Variants in PRKAR2B observed in about 807,000 individuals in gnomAD.
PRKAR2B encodes the protein protein kinase cAMP-dependent type II regulatory subunit beta, also known as cAMP-dependent protein kinase type II-beta regulatory subunit.
A neutral mutation model predicts 49.9 loss-of-function variants in PRKAR2B; 14 were observed. The observed-to-expected ratio is 0.28, with a 90% CI of 0.19 to 0.44. PRKAR2B has a LOEUF of 0.44. Among genes scored for constraint, PRKAR2B ranks in the 20% least tolerant of loss-of-function variants. The pLI, the probability that PRKAR2B is intolerant of heterozygous loss-of-function variation, is 1.00. For synonymous variants in PRKAR2B, 196 were observed against 197.7 expected, an observed-to-expected ratio of 0.99 and a Z score of 0.07; for missense variants, 393 against 537.9, an observed-to-expected ratio of 0.73 and a Z score of 2.67.
intron 5 of PRKAR2B, among the ~76,000 whole-genome samples, chr7:107,145,162 A>T (rs1028292352): frequency 2.6e-5 from 4 of 152,224 alleles, no homozygotes; most frequent in African/African-American, 9.6e-5. Context: ...AGGGCCAGAG[A>T]GTAAATATTT....
chr7:107,077,546 A>T (rs1325307870), intron 2 of PRKAR2B, among the ~76,000 whole-genome samples: 3 of 152,224 alleles, frequency 2.0e-5, no homozygotes, highest in Non-Finnish European at 4.4e-5. Context: ...TAAAAAGTCC[A>T]TTTTCACCAT....
chr7:107,121,810 T>C, intron 2 of PRKAR2B, 142 bp from the exon 3 acceptor site: 1 of 418,606 alleles, frequency 2.4e-6, no homozygotes. Flanking sequence ...TTTTGGGGGG[T>C]AGACTGCTTC....
At chr7:107,068,726 C>T (rs371724416) in intron 1 of PRKAR2B, 6 of 152,016 alleles carry the variant, frequency 3.9e-5, no homozygotes, top group African/African-American at 1.4e-4. Context: ...TAATGAAGAT[C>T]ATGAAGGAAG....
chr7:107,110,548 T>G (rs1488707012), intron 2 of PRKAR2B, among the ~76,000 whole-genome samples: 1 of 151,572 alleles, frequency 6.6e-6, no homozygotes, highest in African/African-American at 2.4e-5. Flanking sequence ...AAAGAGGACT[T>G]TGTCTTGCAT....
chr7:107,141,607 G>A (rs997757556), intron 5 of PRKAR2B, among the ~76,000 whole-genome samples: 4 of 152,158 alleles, frequency 2.6e-5, no homozygotes, highest in Admixed American at 6.5e-5. Flanking sequence ...CACGAGAATT[G>A]CTTGAACCCG....
At chr7:107,124,327 C>T (rs770938991) in intron 3 of PRKAR2B, among the ~76,000 whole-genome samples, 3 of 152,152 alleles carry the variant, frequency 2.0e-5, no homozygotes, top group Non-Finnish European at 4.4e-5. Context: ...TGGAGTTCCA[C>T]CTGTATATCT....
intron 2 of PRKAR2B, among the ~76,000 whole-genome samples, chr7:107,080,275 C>T (rs1216719293): frequency 6.6e-6 from 1 of 151,918 alleles, no homozygotes; most frequent in Non-Finnish European, 1.5e-5. Flanking sequence ...GGAAGTGGTA[C>T]CGTCTAAGAG....
chr7:107,045,205 G>T lies in PRKAR2B; in HGVS notation c.298G>T (p.Ala100Ser). The change falls in exon 1 of 11, where the codon GCG becomes TCG. Residue 100 changes from alanine (A) to serine (S), a missense_variant. By Grantham distance (99) the Ala-to-Ser change is moderately conservative. Transcript: ENST00000265717. ...GGAGGCGGCGCCCGCGGACGCAGGG[G>T]CGTTCAATGGTGAGGACCAGACCCC... is the stretch of plus-strand genomic sequence containing the variant. ...EEEAAPADAGAFNAPVINRFT... is the reference protein window; with the variant it reads ...EEEAAPADAGSFNAPVINRFT... The T allele has an allele frequency of 6.9e-7, 1 of 1,452,810 alleles. No homozygotes were observed. 90.0% of individuals were successfully genotyped at this position (1,452,810 alleles called of 1,614,324 possible).
chr7:107,096,636 T>G (rs1264883357), intron 2 of PRKAR2B, among the ~76,000 whole-genome samples: 1 of 152,208 alleles, frequency 6.6e-6, no homozygotes, highest in Non-Finnish European at 1.5e-5. Flanking sequence ...CTGCTTTCTC[T>G]TGTGGGCATG....
intron 4 of PRKAR2B, among the ~76,000 whole-genome samples, chr7:107,131,688 G>A (rs914945864): frequency 3.9e-5 from 6 of 152,110 alleles, no homozygotes; most frequent in African/African-American, 1.2e-4. Flanking sequence ...TTCCAGAGAT[G>A]ATATAGGATA....
At chr7:107,062,698 ATCT>A (rs1032789949) in intron 1 of PRKAR2B, among the ~76,000 whole-genome samples, 2 of 152,168 alleles carry the variant, frequency 1.3e-5, no homozygotes, top group Non-Finnish European at 2.9e-5. Flanking sequence ...TCAATTTCAC[ATCT>A]TTTTTTAAAA....
chr7:107,116,321 C>G (rs1384554607), intron 2 of PRKAR2B, among the ~76,000 whole-genome samples: 2 of 152,170 alleles, frequency 1.3e-5, no homozygotes, highest in African/African-American at 4.8e-5. Flanking sequence ...TCCCTGCCCT[C>G]TGAGCTACCG....
chr7:107,116,434 GTTTC>G (rs2115570410), intron 2 of PRKAR2B, among the ~76,000 whole-genome samples: 1 of 152,122 alleles, frequency 6.6e-6, no homozygotes, highest in Non-Finnish European at 1.5e-5. Flanking sequence ...TTTCTAGACT[GTTTC>G]TATAAATGTT....
intron 1 of PRKAR2B, among the ~76,000 whole-genome samples, chr7:107,046,555 C>A (rs1449863313): frequency 6.6e-6 from 1 of 152,134 alleles, no homozygotes; most frequent in Non-Finnish European, 1.5e-5. Flanking sequence ...TAATTTTGGA[C>A]TTCTAAATGT....
chr7:107,146,588 C>A, intron 6 of PRKAR2B, 127 bp downstream of exon 6: 1 of 1,075,928 alleles, frequency 9.3e-7, no homozygotes, highest in Non-Finnish European at 1.3e-6. Context: ...ATTAAGCAGC[C>A]ACTGAATGCT....
chr7:107,080,550 T>C (rs1027458974), intron 2 of PRKAR2B, among the ~76,000 whole-genome samples: 1 of 152,046 alleles, frequency 6.6e-6, no homozygotes, highest in Non-Finnish European at 1.5e-5. Flanking sequence ...GAGATGAAAT[T>C]AGGGAAAAGA....
At chr7:107,050,158 G>T (rs1468247432) in intron 1 of PRKAR2B, among the ~76,000 whole-genome samples, 1 of 152,058 alleles carries the variant, frequency 6.6e-6, no homozygotes, top group Non-Finnish European at 1.5e-5. Flanking sequence ...AGAAGGGAAA[G>T]GGGGAGGGAG....
At chr7:107,058,164 TAC>T (rs2116756350) in intron 1 of PRKAR2B, among the ~76,000 whole-genome samples, 1 of 152,328 alleles carries the variant, frequency 6.6e-6, no homozygotes, top group East Asian at 1.9e-4. Flanking sequence ...GATGTGTGTG[TAC>T]ACAGTCTCCA....
intron 2 of PRKAR2B, among the ~76,000 whole-genome samples, chr7:107,100,833 T>C (rs983739392): frequency 2.6e-5 from 4 of 152,074 alleles, no homozygotes; most frequent in Non-Finnish European, 5.9e-5. Flanking sequence ...CTTTTTTTTT[T>C]TTTAGAATTT....
Sources: allele counts gnomAD v4.1 joint callset (sites outside exome capture counted in the v4.1 genomes callset), GRCh38; gene constraint gnomAD v4.1.1; transcripts MANE v1.5; gene names NCBI Gene and HGNC (gene_info 2026-07-23, HGNC 2026-07-21).